The following IQCH variants were observed in gnomAD, a reference collection of about 807,000 sequenced individuals.
IQCH encodes the protein IQ domain-containing protein H.
In IQCH, 98 loss-of-function variants were observed where a neutral mutation model predicts 117.0. That is an observed-to-expected ratio of 0.84 (90% CI 0.71 to 0.99). IQCH has a LOEUF of 0.99. Among genes scored for constraint, IQCH ranks in the 50% least tolerant of loss-of-function variants. The pLI, the probability that IQCH is intolerant of heterozygous loss-of-function variation, is 0.00. For synonymous variants in IQCH, 412 were observed against 448.2 expected (o/e 0.92, Z 1.02); for missense variants, 1,102 against 1,243.8 (o/e 0.89, Z 1.72).
intron 4 of IQCH, among the ~76,000 whole-genome samples, chr15:67,287,448 C>T (rs1966604809): frequency 6.6e-6 from 1 of 152,110 alleles, no homozygotes; most frequent in African/African-American, 2.4e-5. Flanking sequence ...AGTCTCGCTA[C>T]TTGTTATTGG....
chr15:67,372,633 C>A lies in IQCH; in HGVS notation c.1276C>A (p.His426Asn). Residue 426 changes from histidine (H) to asparagine (N), a missense_variant, in exon 9 of 21, where the codon CAC becomes AAC. Around this residue, in one of 2 missense-constraint regions of IQCH, gnomAD observed 650 missense variants for 794.3 expected, o/e 0.82. Transcript: ENST00000335894. The stretch of plus-strand genomic sequence containing the variant: ...GATACTAAAGGAATCACGTCAGAGA[C>A]ACCTGGAGAATTTTCGCATTCGAGC... ...KKILKESRQR[H>N]LENFRIRAKH... is the part of the protein sequence containing the mutation. 6.2e-7 allele frequency: 1 copy of A among 1,607,286 alleles called. No homozygotes were observed.
Position 67,465,258 on chromosome 15 carries a change from A to G in IQCH, c.2637A>G (p.Glu879=), listed in dbSNP as rs766239055. 5 of 1,614,046 alleles carry G rather than the reference A, an allele frequency of 3.1e-6. No homozygotes were observed. In the Admixed American group the frequency reaches 6.7e-5, roughly 22 times the overall value. Residue 879 remains glutamate, a synonymous_variant, in exon 17 of 21, where the codon GAA becomes GAG. Transcript: ENST00000335894. The surrounding 1 kb of genome is among the most constrained non-coding windows in gnomAD (Gnocchi z 5.9). ...TLEVPRFVPK[E]RKKTKCMSAL... ...AAGTGCCCCGCTTTGTTCCAAAGGA[A>G]AGGAAGAAAACCAAATGCATGAGTG...
intron 17 of IQCH, among the ~76,000 whole-genome samples, chr15:67,468,304 ATGAT>A (rs1369490601): frequency 2.6e-5 from 4 of 152,222 alleles, no homozygotes; most frequent in African/African-American, 7.2e-5. Context: ...TCTGTAATGA[ATGAT>A]TAAGTAAAAC....
intron 6 of IQCH, among the ~76,000 whole-genome samples, chr15:67,354,195 A>G (rs934845248): frequency 6.6e-6 from 1 of 152,244 alleles, no homozygotes; most frequent in Non-Finnish European, 1.5e-5. Context: ...GATCAATCTT[A>G]TTTAGGAACA....
rs1028398899 is a variant in IQCH at position 67,254,946 on chromosome 15, A to G, written c.50A>G (p.Gln17Arg). ...GACCCTGTCGGATCCATCTTAATCC[A>G]GGTGGGAAACGGGCTTCCCCCGGCC... The part of the protein sequence containing the change: ...NHDPVGSILI[Q>R]IHEDLYQLKE... The change falls in exon 1 of 21, where the codon CAG (glutamine) becomes CGG (arginine). Residue 17 changes from glutamine to arginine, a missense_variant and splice_region_variant. Coordinates refer to ENST00000335894, the MANE Select transcript of IQCH (RefSeq NM_001031715.3). 7 of 1,613,254 alleles carry G rather than the reference A, an allele frequency of 4.3e-6. No homozygotes were observed. The highest frequency in any genetic ancestry group is 1.3e-5 in the African/African-American group (1 of 74,870).
At chr15:67,266,019 A>T (rs899888986) in intron 3 of IQCH, among the ~76,000 whole-genome samples, 9 of 152,198 alleles carry the variant, frequency 5.9e-5, no homozygotes, top group African/African-American at 1.7e-4. Flanking sequence ...GGGGTCAAAG[A>T]GGAGACTTAA....
In IQCH at chr15:67,385,719, GC is replaced by G. The variant is rs137877099; in HGVS notation, c.1456+701del. ...CGATTAGGCTCTAAGAATATAGGTT[GC>G]AAAAGCTAAGCAATAACATTGAATC... On this transcript the variant is annotated intron_variant, in intron 11 of 20. Transcript: ENST00000335894. The surrounding 1 kb of genome is among the most constrained non-coding windows in gnomAD (Gnocchi z 4.6). Among the ~76,000 whole-genome samples the G allele has an allele frequency of 1.3e-3, 205 of 152,248 alleles. No individual in the cohort carries two copies. Among genetic ancestry groups the G allele is most frequent in the African/African-American group, 4.8e-3 (200 of 41,560 alleles).
At chr15:67,499,584 G>A (rs1205079138) in intron 20 of IQCH, among the ~76,000 whole-genome samples, 1 of 151,854 alleles carries the variant, frequency 6.6e-6, no homozygotes, top group Non-Finnish European at 1.5e-5. Context: ...CATATGACCC[G>A]GCAATTCCAT....
At chr15:67,471,628 T>C (rs1025471617) in intron 17 of IQCH, among the ~76,000 whole-genome samples, 2 of 152,232 alleles carry the variant, frequency 1.3e-5, no homozygotes, top group Non-Finnish European at 2.9e-5. Context: ...TCAGTTTTAA[T>C]TTGAAATAAT....
intron 4 of IQCH, chr15:67,281,887 A>T (rs1966375115): frequency 2.5e-6 from 1 of 403,586 alleles, no homozygotes; most frequent in African/African-American, 2.1e-5. Context: ...CTGCATGTAA[A>T]ATATCAGTTC....
rs2082965360 is a variant in IQCH, at chr15:67,467,529, G to T, written c.2676+2232G>T. On this transcript the variant is annotated intron_variant, in intron 17 of 20. Transcript: ENST00000335894. This position sits in a 1 kb window ranked among gnomAD's most constrained non-coding sequence, Gnocchi z 5.7. ...AGAGAAAAGCTATGCAGGTTTTCTG[G>T]TGTAGGAATAAATTGAAAGGGCTTT... 6.6e-6 allele frequency among the ~76,000 whole-genome samples: 1 copy of T among 152,212 alleles called. No homozygotes were observed. Among genetic ancestry groups the T allele is most frequent in the African/African-American group, 2.4e-5 (1 of 41,444 alleles).
chr15:67,266,585 A>G (rs1965682366), intron 3 of IQCH, among the ~76,000 whole-genome samples: 1 of 152,160 alleles, frequency 6.6e-6, no homozygotes, highest in Non-Finnish European at 1.5e-5. Context: ...TGAACCCGGG[A>G]GGCAGAGCTT....
intron 1 of IQCH, among the ~76,000 whole-genome samples, chr15:67,259,552 G>C (rs1390385971): frequency 6.6e-6 from 1 of 152,214 alleles, no homozygotes. Context: ...ACAACACTAT[G>C]ATGAAATATC....
In IQCH at chr15:67,390,885, T is replaced by C. The variant is rs181336031; in HGVS notation, c.1632+1879T>C. Among the ~76,000 whole-genome samples, 14 of 152,356 alleles carry C rather than the reference T, an allele frequency of 9.2e-5. No individual in the cohort carries two copies. Among genetic ancestry groups the C allele is most frequent in the Middle Eastern group, 3.4e-3 (1 of 294 alleles). ...TGGCTGAGGAAACCAAGACTCATTT[T>C]CTAGTCCAAGGTTACTAGTAAGGCC... On this transcript the variant is annotated intron_variant, in intron 12 of 20. Coordinates refer to ENST00000335894, the MANE Select transcript of IQCH (RefSeq NM_001031715.3). The surrounding 1 kb of genome is among the most constrained non-coding windows in gnomAD (Gnocchi z 5.0).
At chr15:67,321,090 A>G (rs926130199) in intron 4 of IQCH, among the ~76,000 whole-genome samples, 1 of 152,096 alleles carries the variant, frequency 6.6e-6, no homozygotes, top group Non-Finnish European at 1.5e-5. Flanking sequence ...TTAATGGAAA[A>G]TTTTCTAGAC....
intron 16 of IQCH, among the ~76,000 whole-genome samples, chr15:67,452,192 T>G (rs933330735): frequency 6.6e-6 from 1 of 152,234 alleles, no homozygotes; most frequent in South Asian, 2.1e-4. Context: ...TGCCAGTCTG[T>G]GTCTTTTAAT....
rs1971069502 is a variant in IQCH, at chr15:67,385,121, C to T, written c.1456+102C>T. On this transcript the variant is annotated intron_variant, in intron 11 of 20. Transcript: ENST00000335894. The surrounding 1 kb of genome is among the most constrained non-coding windows in gnomAD (Gnocchi z 4.6). ...TGTTTGTTTTTTGCTTATTTTTTTC[C>T]TCTACAAGGAAAAAGCTCAGATGTT... 4 of 701,494 alleles carry T rather than the reference C, an allele frequency of 5.7e-6. No individual in the cohort carries two copies. The highest frequency in any genetic ancestry group is 3.6e-5 in the African/African-American group (2 of 55,348). The allele number at this position is 701,494 out of a possible 1,614,324, so 43.5% of individuals were successfully genotyped here.
rs1203944352 is a variant in IQCH at position 67,401,652 on chromosome 15, G to A, written c.2097+1347G>A. On this transcript the variant is annotated intron_variant, in intron 14 of 20. Transcript: ENST00000335894. The surrounding 1 kb of genome is among the most constrained non-coding windows in gnomAD (Gnocchi z 4.7). ...GGAGAGAGAGTTCCCTTTGACAAAT[G>A]TGACTGGTTTCCCCATGATCTATTC... Among the ~76,000 whole-genome samples the A allele has an allele frequency of 6.6e-6, 1 of 152,164 alleles. No homozygotes were observed. The highest frequency in any genetic ancestry group is 1.9e-4 in the East Asian group (1 of 5,196).
chr15:67,341,530 T>A (rs757665556), intron 5 of IQCH, among the ~76,000 whole-genome samples: 1 of 152,170 alleles, frequency 6.6e-6, no homozygotes. Flanking sequence ...TAAATTAACC[T>A]GTGGGGGCCA....
Sources: gnomAD v4.1 joint callset for allele counts (sites outside exome capture counted in the v4.1 genomes callset) on GRCh38, gnomAD v4.1.1 for gene constraint, gnomAD v4.1.1 regional missense constraint, Gnocchi (gnomAD v3.1) non-coding constraint, MANE v1.5 for transcripts, NCBI Gene and HGNC (gene_info 2026-07-23, HGNC 2026-07-21) for gene names.